Variants in FAM78B observed in about 807,000 individuals in gnomAD.
FAM78B encodes the protein family with sequence similarity 78 member B, also known as protein FAM78B.
Under a neutral mutation model 20.0 loss-of-function variants are expected in FAM78B, and 10 were observed. That is an observed-to-expected ratio of 0.50 (90% CI 0.31 to 0.85). The LOEUF is 0.85. FAM78B is among the 40% of genes least tolerant of loss of function. The pLI is 0.05. For synonymous variants in FAM78B, 135 were observed against 132.8 expected (o/e 1.02, Z -0.12); for missense variants, 283 against 345.0 (o/e 0.82, Z 1.42).
chr1:166,086,575 CTT>C (rs1237737776), intron 1 of FAM78B, among the ~76,000 whole-genome samples: 1 of 152,182 alleles, frequency 6.6e-6, no homozygotes. Flanking sequence ...GCAGCACAGA[CTT>C]TAAAATCAGA....
downstream of FAM78B, among the ~76,000 whole-genome samples, chr1:166,056,178 T>C (rs571429623): frequency 3.3e-5 from 5 of 152,172 alleles, no homozygotes; most frequent in Non-Finnish European, 4.4e-5. Flanking sequence ...GAGGCCCTTT[T>C]CTTAAATTTT....
chr1:166,151,560 A>C (rs549775517), intron 1 of FAM78B, among the ~76,000 whole-genome samples: 1 of 152,152 alleles, frequency 6.6e-6, no homozygotes, highest in Non-Finnish European at 1.5e-5. Flanking sequence ...AGTTTGTCCA[A>C]TTGTTGGCCT....
chr1:166,104,708 T>C (rs968572181), intron 1 of FAM78B, among the ~76,000 whole-genome samples: 5 of 152,040 alleles, frequency 3.3e-5, no homozygotes, highest in African/African-American at 9.7e-5. Context: ...TAAAAGAGGA[T>C]ACAAACAAAT....
Position 166,131,618 on chromosome 1 carries a change from G to T in FAM78B, c.263+34368C>A, listed in dbSNP as rs754599447. Among the ~76,000 whole-genome samples, 6 of 152,174 alleles carry T rather than the reference G, an allele frequency of 3.9e-5. No individual in the cohort carries two copies. The South Asian group carries it at 1.2e-3, about 32-fold the overall frequency. On this transcript the variant is annotated intron_variant, in intron 1 of 1. Transcript: ENST00000354422. ...GCTGGGTAGAACTGGGCTGCATGAA[G>T]AATAAAATTTGACTGATTTGGGCTC...
intron 1 of FAM78B, among the ~76,000 whole-genome samples, chr1:166,081,605 TACCA>T (rs1206458454): frequency 2.6e-5 from 4 of 152,304 alleles, no homozygotes; most frequent in Non-Finnish European, 5.9e-5. Flanking sequence ...TTTGGCTCCT[TACCA>T]GTCACTGGGA....
At chr1:166,104,533 A>T (rs1332928385) in intron 1 of FAM78B, among the ~76,000 whole-genome samples, 11 of 152,096 alleles carry the variant, frequency 7.2e-5, no homozygotes, top group Admixed American at 6.6e-5. Context: ...AATGTGCAAA[A>T]ATCACAAGCA....
At chr1:166,078,742 G>T (rs1447581551) in intron 1 of FAM78B, among the ~76,000 whole-genome samples, 1 of 148,972 alleles carries the variant, frequency 6.7e-6, no homozygotes, top group African/African-American at 2.6e-5. Flanking sequence ...GGCAGGGAGT[G>T]GGCAGTTATG....
intron 2 of FAM78B, among the ~76,000 whole-genome samples, chr1:166,063,833 G>C (rs531452963): frequency 6.6e-6 from 1 of 152,114 alleles, no homozygotes; most frequent in Non-Finnish European, 1.5e-5. Context: ...CCCTTCTCCC[G>C]GGCATTTCTG....
At chr1:166,118,291 G>A (rs79414062) in intron 1 of FAM78B, among the ~76,000 whole-genome samples, 130 of 152,220 alleles carry the variant, frequency 8.5e-4, no homozygotes, top group African/African-American at 2.8e-3. Flanking sequence ...GAAGGGTGCC[G>A]TGGGACTCTA....
At chr1:166,113,327 C>A (rs1168850162) in intron 1 of FAM78B, among the ~76,000 whole-genome samples, 1 of 152,228 alleles carries the variant, frequency 6.6e-6, no homozygotes, top group Admixed American at 6.5e-5. Flanking sequence ...AACTCTGTTC[C>A]TTGCAGGTGC....
intron 1 of FAM78B, among the ~76,000 whole-genome samples, chr1:166,107,188 T>C (rs190061286): frequency 9.0e-4 from 136 of 151,736 alleles, no homozygotes; most frequent in Non-Finnish European, 1.3e-3. Context: ...AAACAAAAAA[T>C]ACAATAGATA....
intron 1 of FAM78B, among the ~76,000 whole-genome samples, chr1:166,136,157 C>G (rs917250429): frequency 1.3e-5 from 2 of 152,116 alleles, no homozygotes; most frequent in Admixed American, 1.3e-4. Context: ...TCTGTGGGAC[C>G]AGCTGGGAAC....
chr1:166,134,730 A>G (rs1482979061), intron 1 of FAM78B, among the ~76,000 whole-genome samples: 1 of 152,168 alleles, frequency 6.6e-6, no homozygotes, highest in Non-Finnish European at 1.5e-5. Context: ...TGGGGGATCC[A>G]TTCGTAACGA....
At chr1:166,156,666 A>C (rs896652549) in intron 1 of FAM78B, among the ~76,000 whole-genome samples, 1 of 152,232 alleles carries the variant, frequency 6.6e-6, no homozygotes, top group Non-Finnish European at 1.5e-5. Context: ...AGGGACCTGC[A>C]AAGAATAAAG....
chr1:166,149,806 T>G (rs1246367121), intron 1 of FAM78B, among the ~76,000 whole-genome samples: 1 of 151,866 alleles, frequency 6.6e-6, no homozygotes, highest in Non-Finnish European at 1.5e-5. Context: ...CTCTGGAGAG[T>G]GTCAGCCTGC....
At chr1:166,126,514 G>A (rs753039014) in intron 1 of FAM78B, among the ~76,000 whole-genome samples, 1 of 152,114 alleles carries the variant, frequency 6.6e-6, no homozygotes, top group African/African-American at 2.4e-5. Flanking sequence ...GACGATAACT[G>A]AGCAAAAATT....
intron 1 of FAM78B, among the ~76,000 whole-genome samples, chr1:166,104,456 C>T (rs1022609317): frequency 1.2e-4 from 18 of 152,174 alleles, no homozygotes; most frequent in African/African-American, 4.3e-4. Context: ...TAGAAAACCC[C>T]ATCACCTCAG....
At chr1:166,126,006 A>G (rs900876856) in intron 1 of FAM78B, among the ~76,000 whole-genome samples, 1 of 151,982 alleles carries the variant, frequency 6.6e-6, no homozygotes, top group Middle Eastern at 3.4e-3. Context: ...TAATTTTTGT[A>G]TTTTTAGTAG....
chr1:166,083,787 C>G (rs1306743703), intron 1 of FAM78B, among the ~76,000 whole-genome samples: 1 of 136,904 alleles, frequency 7.3e-6, no homozygotes. Context: ...CAGGCGTGAG[C>G]CACGCACCCA....
Sources: gnomAD v4.1 joint callset for allele counts (sites outside exome capture counted in the v4.1 genomes callset) on GRCh38, gnomAD v4.1.1 for gene constraint, MANE v1.5 for transcripts, NCBI Gene and HGNC (gene_info 2026-07-23, HGNC 2026-07-21) for gene names.